The following RIMS3 variants were observed in gnomAD, a reference collection of about 807,000 sequenced individuals.
The protein encoded by RIMS3 is regulating synaptic membrane exocytosis protein 3.
Under a neutral mutation model 29.2 loss-of-function variants are expected in RIMS3, and 15 were observed. That is an observed-to-expected ratio of 0.51 (90% CI 0.34 to 0.79). The LOEUF (loss-of-function observed/expected upper bound fraction) is 0.79, where lower values mean the gene tolerates loss of function less well. Ranked by LOEUF, RIMS3 falls within the 30% of genes least tolerant of loss-of-function variation. The probability of loss-of-function intolerance (pLI) is 0.01; values close to 1 mark genes in which losing one functional copy is unlikely to be tolerated. For synonymous variants in RIMS3, 161 were observed against 170.1 expected (o/e 0.95, Z 0.41); for missense variants, 342 against 421.4 (o/e 0.81, Z 1.65).
chr1:40,691,853 G>A, the RIMS3 span: 2 of 433,012 alleles, frequency 4.6e-6, no homozygotes, highest in South Asian at 3.2e-5. Context: ...GCTCTTCCTG[G>A]ACTCCTGAGC....
the RIMS3 span, among the ~76,000 whole-genome samples, chr1:40,675,132 G>A: frequency 6.6e-6 from 1 of 152,150 alleles, no homozygotes; most frequent in Non-Finnish European, 1.5e-5. Context: ...AGCCAAGCAT[G>A]GTGGTGCATG....
chr1:40,641,116 T>C (rs1470695029), intron 3 of RIMS3, among the ~76,000 whole-genome samples: 2 of 152,204 alleles, frequency 1.3e-5, no homozygotes, highest in East Asian at 3.9e-4. Context: ...TTTAGGAGAC[T>C]AGGAGATTAC....
intron 2 of RIMS3, among the ~76,000 whole-genome samples, chr1:40,647,385 G>T (rs957537562): frequency 6.6e-6 from 1 of 151,940 alleles, no homozygotes; most frequent in Non-Finnish European, 1.5e-5. Flanking sequence ...TCCCATCAAG[G>T]TCAGACTTAG....
At chr1:40,680,956 C>T in the RIMS3 span, among the ~76,000 whole-genome samples, 2 of 152,172 alleles carry the variant, frequency 1.3e-5, no homozygotes, top group African/African-American at 4.8e-5. Context: ...ATTCTGTCTT[C>T]CTTTACTCTG....
chr1:40,630,276 T>G (rs912173623), intron 5 of RIMS3, among the ~76,000 whole-genome samples: 3 of 152,170 alleles, frequency 2.0e-5, no homozygotes, highest in Admixed American at 6.6e-5. Flanking sequence ...GAATGGATTA[T>G]CCAGCCGGGG....
intron 3 of RIMS3, among the ~76,000 whole-genome samples, chr1:40,639,200 C>A (rs539204351): frequency 1.6e-4 from 24 of 152,332 alleles, no homozygotes; most frequent in African/African-American, 5.8e-4. Context: ...ACAGCCCAGC[C>A]CTGCAGGGAA....
intron 7 of RIMS3, among the ~76,000 whole-genome samples, chr1:40,627,240 A>AT (rs1279075674): frequency 9.2e-5 from 14 of 152,002 alleles, no homozygotes; most frequent in African/African-American, 3.1e-4. Flanking sequence ...CCACTGGGAG[A>AT]TTTTTTGAGA....
At chr1:40,639,951 A>G (rs1646545032) in intron 3 of RIMS3, among the ~76,000 whole-genome samples, 1 of 152,178 alleles carries the variant, frequency 6.6e-6, no homozygotes, top group South Asian at 2.1e-4. Flanking sequence ...TCTTCTCAAG[A>G]TGAAAGGTCT....
At chr1:40,668,378 C>G (rs565313202), upstream of RIMS3, among the ~76,000 whole-genome samples, 1 of 150,860 alleles carries the variant, frequency 6.6e-6, no homozygotes, top group African/African-American at 2.4e-5. Context: ...GCTGTGATCA[C>G]GCCACTGCAC....
rs976556856 is a variant in RIMS3, at chr1:40,635,058, GA to G, written c.359+857del. 4.6e-5 allele frequency among the ~76,000 whole-genome samples: 7 copies of G among 152,186 alleles called. No individual in the cohort carries two copies. Among genetic ancestry groups the G allele is most frequent in the African/African-American group, 1.7e-4 (7 of 41,438 alleles). On this transcript the variant is annotated intron_variant, in intron 4 of 7. Transcript: ENST00000372684. This position sits in a 1 kb window ranked among gnomAD's most constrained non-coding sequence, Gnocchi z 4.1. ...CCCAGGCATGCTCTGCACCTGGGAA[GA>G]TGTAATAAATGCTTGAGAGCACTCG...
In RIMS3 at chr1:40,635,803, C is replaced by T. The variant is rs1020240684; in HGVS notation, c.359+113G>A. ...TGAAGGAAGGCAGAGACACAGAGGACCCAGACATTTTAGCTGGAAACAAAA... is the reference window on the plus strand; with the variant it reads ...TGAAGGAAGGCAGAGACACAGAGGATCCAGACATTTTAGCTGGAAACAAAA... On this transcript the variant is annotated intron_variant, in intron 4 of 7. Transcript: ENST00000372684. This position sits in a 1 kb window ranked among gnomAD's most constrained non-coding sequence, Gnocchi z 4.1. 3.6e-6 allele frequency: 5 copies of T among 1,401,294 alleles called. No individual in the cohort carries two copies. In the African/African-American group the frequency reaches 5.6e-5, roughly 16 times the overall value. The allele number at this position is 1,401,294 out of a possible 1,614,324, so 86.8% of individuals were successfully genotyped here.
the RIMS3 span, among the ~76,000 whole-genome samples, chr1:40,688,491 A>G: frequency 6.6e-6 from 1 of 152,178 alleles, no homozygotes; most frequent in Non-Finnish European, 1.5e-5. Context: ...GTATTTGCCA[A>G]GCTCACAGAA....
the RIMS3 span, chr1:40,691,814 G>A: frequency 2.3e-6 from 1 of 443,482 alleles, no homozygotes; most frequent in Non-Finnish European, 4.5e-6. Context: ...TGCATTGCCC[G>A]ACTCCGTAGG....
In RIMS3 at chr1:40,624,044, AC is replaced by A. The variant is rs1646437805; in HGVS notation, c.*2472del. The A allele has an allele frequency of 6.6e-6, 1 of 152,240 alleles. No individual in the cohort carries two copies. The highest frequency in any genetic ancestry group is 2.4e-5 in the African/African-American group (1 of 41,422). 9.4% of individuals were successfully genotyped at this position (152,240 alleles called of 1,614,324 possible). A position where few individuals can be genotyped will look rare whatever the true frequency, so the allele number is the denominator to read the frequency against. On this transcript the variant is annotated 3_prime_UTR_variant, in exon 8 of 8. Transcript: ENST00000372684. ...GACTGTAGGTAGGTCAGCCCAAGTT[AC>A]CAGCACATCAGACCCCTCCTCCAGC...
At position 40,621,455 on chromosome 1, in the gene RIMS3, G is replaced by A. The variant is rs1241615880; in HGVS notation, c.*5062C>T. 6.6e-6 allele frequency: 1 copy of A among 152,208 alleles called. No individual in the cohort carries two copies. Among genetic ancestry groups the A allele is most frequent in the African/African-American group, 2.4e-5 (1 of 41,440 alleles). 9.4% of individuals were successfully genotyped at this position (152,208 alleles called of 1,614,324 possible). ...TTGTCTGAGGCAGCATCTGGGCATG[G>A]ACCAGATGAGAGCCTGCACCCAGCC... On this transcript the variant is annotated 3_prime_UTR_variant, in exon 8 of 8. Transcript: ENST00000372684.
Position 40,642,254 on chromosome 1 carries a change from G to A in RIMS3, c.-31-298C>T, listed in dbSNP as rs369811659. 1.4e-4 allele frequency among the ~76,000 whole-genome samples: 22 copies of A among 152,304 alleles called. 1 individual carries two copies. In the South Asian group the frequency reaches 2.5e-3, roughly 17 times the overall value. On this transcript the variant is annotated intron_variant, in intron 2 of 7. Transcript: ENST00000372684. ...CCAAAGGCCTCTACACACTAGCTGCGTGGACTTGTGACCAAACAAACATCC... is the reference window on the plus strand; with the variant it reads ...CCAAAGGCCTCTACACACTAGCTGCATGGACTTGTGACCAAACAAACATCC...
chr1:40,633,283 G>T, intron 4 of RIMS3, 102 bp from the exon 5 acceptor site: 2 of 802,314 alleles, frequency 2.5e-6, no homozygotes, highest in Admixed American at 4.0e-5. Flanking sequence ...CCCTGGGCAC[G>T]TCCCTCTGTG....
At chr1:40,638,716 A>C (rs1013683749) in intron 3 of RIMS3, among the ~76,000 whole-genome samples, 2 of 152,162 alleles carry the variant, frequency 1.3e-5, no homozygotes, top group Admixed American at 1.3e-4. Context: ...CAATTGCCAG[A>C]CCAGAACCCA....
intron 4 of RIMS3, 99 bp from the exon 5 acceptor site, chr1:40,633,280 C>CCAG: frequency 1.2e-6 from 1 of 854,806 alleles, no homozygotes; most frequent in Non-Finnish European, 1.9e-6. Context: ...GGGCCCTGGG[C>CCAG]ACGTCCCTCT....
Sources: gnomAD v4.1 joint callset for allele counts (sites outside exome capture counted in the v4.1 genomes callset) on GRCh38, gnomAD v4.1.1 for gene constraint, Gnocchi (gnomAD v3.1) non-coding constraint, MANE v1.5 for transcripts, NCBI Gene and HGNC (gene_info 2026-07-23, HGNC 2026-07-21) for gene names.